The following RGL1 variants were observed in gnomAD, a reference collection of about 807,000 sequenced individuals.
RGL1 encodes ral guanine nucleotide dissociation stimulator like 1.
RGL1 carries 24 observed loss-of-function variants against 95.2 expected under a neutral mutation model. That is an observed-to-expected ratio of 0.25 (90% CI 0.18 to 0.35). RGL1 has a LOEUF of 0.35. Ranked by LOEUF, RGL1 falls within the 10% of genes least tolerant of loss-of-function variation. RGL1 has a pLI of 1.00. For synonymous variants in RGL1, 329 were observed against 344.9 expected, an observed-to-expected ratio of 0.95 and a Z score of 0.51; for missense variants, 715 against 936.3, an observed-to-expected ratio of 0.76 and a Z score of 3.08.
At chr1:183,694,168 C>T (rs10797901) in intron 1 of RGL1, among the ~76,000 whole-genome samples, 2 of 152,128 alleles carry the variant, frequency 1.3e-5, no homozygotes, top group Non-Finnish European at 2.9e-5. Context: ...AATTTTATGT[C>T]TCTTGGGAAG....
intron 1 of RGL1, among the ~76,000 whole-genome samples, chr1:183,676,291 A>C (rs147272625): frequency 6.6e-6 from 1 of 152,196 alleles, no homozygotes; most frequent in South Asian, 2.1e-4. Flanking sequence ...ATTTAATTAT[A>C]TAATTAACTA....
chr1:183,744,590 T>C (rs1394419678), intron 2 of RGL1, among the ~76,000 whole-genome samples: 1 of 152,188 alleles, frequency 6.6e-6, no homozygotes, highest in Non-Finnish European at 1.5e-5. Flanking sequence ...CATATTTCAG[T>C]ATTTATACTA....
intron 2 of RGL1, among the ~76,000 whole-genome samples, chr1:183,750,373 C>T (rs1657915263): frequency 1.3e-5 from 2 of 152,142 alleles, no homozygotes; most frequent in African/African-American, 4.8e-5. Flanking sequence ...CTTGTGTATG[C>T]TTCATGAAAT....
At chr1:183,855,442 T>A (rs917938763) in intron 3 of RGL1, among the ~76,000 whole-genome samples, 7 of 152,250 alleles carry the variant, frequency 4.6e-5, no homozygotes, top group Non-Finnish European at 1.0e-4. Context: ...TAAAAATAAT[T>A]GAATTTTTTA....
chr1:183,842,670 A>G (rs1265130261), intron 2 of RGL1, among the ~76,000 whole-genome samples: 4 of 152,228 alleles, frequency 2.6e-5, no homozygotes, highest in Non-Finnish European at 2.9e-5. Context: ...GCGACGGTCT[A>G]TGATTAAATC....
At chr1:183,744,114 G>A (rs1317038519) in intron 2 of RGL1, among the ~76,000 whole-genome samples, 1 of 152,116 alleles carries the variant, frequency 6.6e-6, no homozygotes, top group African/African-American at 2.4e-5. Context: ...TGGTTATTCT[G>A]TGAAGAGAAA....
rs555784115 is a variant in RGL1 at position 183,875,335 on chromosome 1, T to C, written c.426-5281T>C. Among the ~76,000 whole-genome samples the C allele has an allele frequency of 9.7e-4, 148 of 152,182 alleles. 2 individuals carry two copies. In the South Asian group the frequency reaches 0.03, roughly 31 times the overall value. The stretch of plus-strand genomic sequence containing the variant: ...ATTAAACATTTGACCAATTATAGAG[T>C]ATTTTACTGCCTATGGAATGTTAAT... On this transcript the variant is annotated intron_variant, in intron 4 of 17. Transcript: ENST00000360851.
intron 1 of RGL1, among the ~76,000 whole-genome samples, chr1:183,725,912 A>G (rs1029465588): frequency 6.6e-6 from 1 of 152,204 alleles, no homozygotes; most frequent in Non-Finnish European, 1.5e-5. Flanking sequence ...ATGCTTAGCC[A>G]TTAAACAAGT....
At chr1:183,758,695 C>T (rs561162354) in intron 2 of RGL1, among the ~76,000 whole-genome samples, 2 of 152,222 alleles carry the variant, frequency 1.3e-5, no homozygotes, top group East Asian at 1.9e-4. Context: ...GAAGACTCTA[C>T]CCTCATGACC....
intron 1 of RGL1, among the ~76,000 whole-genome samples, chr1:183,660,835 A>T (rs1482483785): frequency 6.6e-6 from 1 of 152,236 alleles, no homozygotes; most frequent in Non-Finnish European, 1.5e-5. Context: ...AATGTAAAAG[A>T]TCAGAAATTA....
At chr1:183,703,472 T>C (rs184580818) in intron 1 of RGL1, among the ~76,000 whole-genome samples, 1 of 152,288 alleles carries the variant, frequency 6.6e-6, no homozygotes, top group Admixed American at 6.5e-5. Context: ...GCATTTTAAA[T>C]CCTCTTAAAT....
chr1:183,663,195 A>G (rs1311615594), intron 1 of RGL1, among the ~76,000 whole-genome samples: 1 of 152,062 alleles, frequency 6.6e-6, no homozygotes, highest in East Asian at 1.9e-4. Flanking sequence ...TGGCAACAAA[A>G]GCCAAAATTG....
At chr1:183,715,535 A>G (rs1402174940) in intron 1 of RGL1, among the ~76,000 whole-genome samples, 1 of 152,188 alleles carries the variant, frequency 6.6e-6, no homozygotes, top group Non-Finnish European at 1.5e-5. Flanking sequence ...TGCTTTCACT[A>G]GCATCTTAAA....
chr1:183,912,177 C>CT lies in RGL1; in HGVS notation c.1659dup (p.Val554CysfsTer14). On this transcript the variant is annotated frameshift_variant, in exon 15 of 18. Transcript: ENST00000360851. LOFTEE classifies it high-confidence loss of function. ...GGGAGCTCTGGTGAAAGCATGGACT[C>CT]TGTCAGCGTGTCATCCTGCGAGTCG... The CT allele has an allele frequency of 6.2e-7, 1 of 1,614,116 alleles. No individual in the cohort carries two copies.
rs752099464 is a variant in RGL1, at chr1:183,847,521, T to C, written c.139-45T>C. On this transcript the variant is annotated intron_variant, in intron 2 of 17. Coordinates refer to ENST00000360851, the MANE Select transcript of RGL1 (RefSeq NM_001297671.3). ...TATTTCAATGCTTCCAATTTTACTT[T>C]AGGGAGTCATTTCTCCTTATGGTAA... 55 of 1,505,108 alleles carry C rather than the reference T, an allele frequency of 3.7e-5. No individual in the cohort carries two copies. In the Admixed American group the frequency reaches 9.7e-4, roughly 26 times the overall value. The allele number at this position is 1,505,108 out of a possible 1,614,324, so 93.2% of individuals were successfully genotyped here. A position where few individuals can be genotyped will look rare whatever the true frequency, so the allele number is the denominator to read the frequency against.
intron 1 of RGL1, among the ~76,000 whole-genome samples, chr1:183,637,383 T>C (rs1171012365): frequency 6.6e-6 from 1 of 152,192 alleles, no homozygotes; most frequent in Non-Finnish European, 1.5e-5. Context: ...CAGAAGGGAC[T>C]CGATACATGC....
intron 4 of RGL1, 86 bp downstream of exon 4, chr1:183,866,159 T>A (rs1665822911): frequency 8.7e-7 from 1 of 1,147,810 alleles, no homozygotes. Flanking sequence ...TTCCTTTGAA[T>A]GTTGCCATGA....
chr1:183,826,914 T>C (rs548364604), intron 2 of RGL1, among the ~76,000 whole-genome samples: 58 of 152,238 alleles, frequency 3.8e-4, no homozygotes, highest in South Asian at 3.7e-3. Flanking sequence ...TGTACCTTTT[T>C]TTTTCTTTTC....
chr1:183,683,631 C>T (rs749182812), intron 1 of RGL1, among the ~76,000 whole-genome samples: 4 of 152,084 alleles, frequency 2.6e-5, no homozygotes, highest in East Asian at 1.9e-4. Flanking sequence ...GTGAATGTGA[C>T]GATTATGTGT....
Sources: gnomAD v4.1 joint callset for allele counts (sites outside exome capture counted in the v4.1 genomes callset) on GRCh38, gnomAD v4.1.1 for gene constraint, MANE v1.5 for transcripts, NCBI Gene and HGNC (gene_info 2026-07-23, HGNC 2026-07-21) for gene names.